Variants in NCF2 observed in about 807,000 individuals in gnomAD.
NCF2 encodes neutrophil cytosol factor 2.
In NCF2, 45 loss-of-function variants were observed where a neutral mutation model predicts 70.9. The observed-to-expected ratio is 0.63, with a 90% CI of 0.50 to 0.81. The LOEUF is 0.81. NCF2 is among the 40% of genes least tolerant of loss of function. The pLI, the probability that NCF2 is intolerant of heterozygous loss-of-function variation, is 0.00. For missense variants in NCF2, 522 were observed against 631.6 expected (o/e 0.83, Z 1.86); for synonymous variants, 203 against 233.6 (o/e 0.87, Z 1.19).
intron 2 of NCF2, among the ~76,000 whole-genome samples, chr1:183,582,098 C>T (rs1673144648): frequency 6.6e-6 from 1 of 152,254 alleles, no homozygotes; most frequent in East Asian, 1.9e-4. Flanking sequence ...GGGGGTTCCG[C>T]TTTGACACAC....
chr1:183,590,788 G>A (rs1375932999), upstream of NCF2: 1 of 225,784 alleles, frequency 4.4e-6, no homozygotes, highest in Non-Finnish European at 9.1e-6. Context: ...ATAATGACAG[G>A]AGGCAGCCAA....
chr1:183,562,731 G>A (rs1391936786), intron 13 of NCF2, among the ~76,000 whole-genome samples: 9 of 151,716 alleles, frequency 5.9e-5, no homozygotes, highest in African/African-American at 2.2e-4. Flanking sequence ...TACTCAGGAG[G>A]CTGAGGCAGG....
intron 14 of NCF2, among the ~76,000 whole-genome samples, chr1:183,558,627 G>T (rs576466263): frequency 9.9e-5 from 15 of 151,666 alleles, no homozygotes; most frequent in African/African-American, 3.1e-4. Flanking sequence ...GGGCAGTGGT[G>T]CAATCTCGGC....
chr1:183,566,991 G>T lies in NCF2; in HGVS notation c.856-3C>A. 6.2e-7 allele frequency: 1 copy of T among 1,614,194 alleles called. No homozygotes were observed. Among genetic ancestry groups the T allele is most frequent in the African/African-American group, 1.3e-5 (1 of 75,044 alleles). On this transcript the variant is annotated splice_region_variant and splice_polypyrimidine_tract_variant and intron_variant, in intron 8 of 14. Transcript: ENST00000367535. ...TAGTTGCAGGGAACAAGCCCCTTCT[G>T]CAGTGCAGCACCACAGAATCAGAAA...
intron 1 of NCF2, among the ~76,000 whole-genome samples, chr1:183,589,375 C>T (rs1673532437): frequency 6.6e-6 from 1 of 152,216 alleles, no homozygotes; most frequent in African/African-American, 2.4e-5. Flanking sequence ...AGCCAGATGT[C>T]TACATAGGCT....
At chr1:183,588,114 T>G (rs1470031066) in intron 1 of NCF2, among the ~76,000 whole-genome samples, 1 of 152,148 alleles carries the variant, frequency 6.6e-6, no homozygotes, top group Non-Finnish European at 1.5e-5. Context: ...TTGAGTAGAG[T>G]ACAATTTTAC....
upstream of NCF2, among the ~76,000 whole-genome samples, chr1:183,594,415 G>C (rs928098972): frequency 6.6e-6 from 1 of 152,140 alleles, no homozygotes; most frequent in Non-Finnish European, 1.5e-5. Flanking sequence ...TCTCTTAAAA[G>C]ATAAAAATAA....
At chr1:183,579,518 A>T (rs1672959396) in intron 2 of NCF2, among the ~76,000 whole-genome samples, 1 of 152,118 alleles carries the variant, frequency 6.6e-6, no homozygotes, top group Non-Finnish European at 1.5e-5. Context: ...CGAGGTCAGG[A>T]GATCGAGACC....
At chr1:183,569,532 G>T (rs995867802) in intron 6 of NCF2, among the ~76,000 whole-genome samples, 1 of 152,094 alleles carries the variant, frequency 6.6e-6, no homozygotes, top group African/African-American at 2.4e-5. Context: ...CAAAAGCTCT[G>T]TTCTGTAATT....
intron 13 of NCF2, among the ~76,000 whole-genome samples, chr1:183,561,779 CTTTTTTTTTTTTTTTTTTTTTT>C (rs57218247): frequency 1.1e-4 from 7 of 65,162 alleles, no homozygotes; most frequent in Admixed American, 2.0e-4. Flanking sequence ...TACCAGGCCT[CTTTTTTTTTTTTTTTTTTTTTT>C]TTTTTTTTTT....
At chr1:183,588,678 T>A (rs1673492121) in intron 1 of NCF2, among the ~76,000 whole-genome samples, 2 of 152,088 alleles carry the variant, frequency 1.3e-5, no homozygotes, top group South Asian at 4.1e-4. Context: ...TAGTATACAA[T>A]TAAAATGATA....
At chr1:183,576,319 C>A (rs762123568) in intron 3 of NCF2, among the ~76,000 whole-genome samples, 143 of 152,284 alleles carry the variant, frequency 9.4e-4, no homozygotes, top group Non-Finnish European at 1.3e-3. Flanking sequence ...ACATTCCTCC[C>A]ATGGAACTGT....
At chr1:183,581,674 G>GT (rs71130625) in intron 2 of NCF2, among the ~76,000 whole-genome samples, 1,004 of 144,460 alleles carry the variant, frequency 7.0e-3, no homozygotes, top group African/African-American at 0.015. Context: ...CTTGCTAAGT[G>GT]TTTTTTTTTT....
upstream of NCF2, among the ~76,000 whole-genome samples, chr1:183,593,245 C>T (rs1219253824): frequency 1.3e-5 from 2 of 152,160 alleles, no homozygotes; most frequent in African/African-American, 4.8e-5. Context: ...TTTCCCTCCC[C>T]TTCTCCTGTC....
At chr1:183,601,652 T>A in the NCF2 span, among the ~76,000 whole-genome samples, 1 of 151,948 alleles carries the variant, frequency 6.6e-6, no homozygotes, top group African/African-American at 2.4e-5. Flanking sequence ...GGTCAGAAGA[T>A]CAAGACCATC....
chr1:183,570,315 CT>C (rs1558096689), intron 6 of NCF2, among the ~76,000 whole-genome samples: 1 of 152,272 alleles, frequency 6.6e-6, no homozygotes, highest in Non-Finnish European at 1.5e-5. Flanking sequence ...TCTCAGTGCG[CT>C]GCCTGTGTTC....
chr1:183,557,060 G>A (rs1328088847), intron 14 of NCF2, among the ~76,000 whole-genome samples: 4 of 152,176 alleles, frequency 2.6e-5, no homozygotes, highest in Admixed American at 6.5e-5. Flanking sequence ...CTTTAATAGA[G>A]TGCAGGCATT....
At chr1:183,562,045 G>A (rs777651789) in intron 13 of NCF2, among the ~76,000 whole-genome samples, 10 of 151,912 alleles carry the variant, frequency 6.6e-5, no homozygotes, top group East Asian at 1.9e-4. Flanking sequence ...GAGCCACTGC[G>A]CCTGGTTTTC....
chr1:183,597,379 G>C, the NCF2 span, among the ~76,000 whole-genome samples: 1 of 152,178 alleles, frequency 6.6e-6, no homozygotes, highest in African/African-American at 2.4e-5. Flanking sequence ...TGTTGAAGGA[G>C]TAGAAACTGA....
Sources: allele counts gnomAD v4.1 joint callset (sites outside exome capture counted in the v4.1 genomes callset), GRCh38; gene constraint gnomAD v4.1.1; transcripts MANE v1.5; gene names NCBI Gene and HGNC (gene_info 2026-07-23, HGNC 2026-07-21).